SPEN: variants seen among roughly 807,000 people sequenced by gnomAD.
SPEN encodes the protein spen family transcriptional repressor.
SPEN carries 18 observed loss-of-function variants against 269.9 expected under a neutral mutation model. The observed-to-expected ratio is 0.07, with a 90% confidence interval of 0.05 to 0.10. SPEN has a LOEUF of 0.10. Ranked by LOEUF, SPEN falls within the 10% of genes least tolerant of loss-of-function variation. The probability of loss-of-function intolerance (pLI) is 1.00; values close to 1 mark genes in which losing one functional copy is unlikely to be tolerated. For missense variants in SPEN, 3,822 were observed against 4,631.2 expected (o/e 0.83, Z 5.07); for synonymous variants, 1,726 against 1,765.7 (o/e 0.98, Z 0.56).
chr1:15,913,013 C>A (rs1479733769), intron 5 of SPEN, among the ~76,000 whole-genome samples: 1 of 152,072 alleles, frequency 6.6e-6, no homozygotes, highest in Non-Finnish European at 1.5e-5. Flanking sequence ...TTGGTTGGTT[C>A]AAGTATAGAA....
In SPEN at chr1:15,938,001, A is replaced by T. The variant is rs1305479957; in HGVS notation, c.10699A>T (p.Met3567Leu). The change falls in exon 13 of 15, where the codon ATG (methionine) becomes TTG (leucine). Residue 3567 changes from methionine (M) to leucine (L), a missense_variant. Physicochemically the swap from Met to Leu is conservative, Grantham distance 15. Coordinates refer to ENST00000375759, the MANE Select transcript of SPEN (RefSeq NM_015001.3). ...ATQLEGVARR[M>L]TVETDYCLLL... ...GCAGCTGGAAGGGGTTGCCCGAAGG[A>T]TGACGGTAAGACTCTCAGGCCCAGG... The T allele has an allele frequency of 6.2e-7, 1 of 1,607,074 alleles. No individual in the cohort carries two copies. Among genetic ancestry groups the T allele is most frequent in the African/African-American group, 1.3e-5 (1 of 74,530 alleles).
chr1:15,934,313 C>G lies in SPEN; in HGVS notation c.8073C>G (p.Asn2691Lys). ...SLVSTPAGPV[N>K]VLKGPVNVLT... is the part of the protein sequence containing the mutation. ...TGAGCACCCCTGCTGGGCCCGTGAA[C>G]GTCCTGAAAGGGCCTGTGAATGTTC... Residue 2691 changes from asparagine (N) to lysine (K), a missense_variant, in exon 11 of 15, where the codon AAC becomes AAG. Asn to Lys is a moderately conservative substitution (Grantham distance 94). Coordinates refer to ENST00000375759, the MANE Select transcript of SPEN (RefSeq NM_015001.3). This position sits in a 1 kb window ranked among gnomAD's most constrained non-coding sequence, Gnocchi z 9.2. The G allele has an allele frequency of 6.2e-7, 1 of 1,614,058 alleles. No homozygotes were observed. Among genetic ancestry groups the G allele is most frequent in the African/African-American group, 1.3e-5 (1 of 75,056 alleles).
chr1:15,907,625 C>G (rs2070972435), intron 3 of SPEN, among the ~76,000 whole-genome samples: 1 of 152,102 alleles, frequency 6.6e-6, no homozygotes, highest in Non-Finnish European at 1.5e-5. Flanking sequence ...AGCTAGTGTG[C>G]TTAAGATGGA....
chr1:15,914,964 T>C (rs2071044575), intron 5 of SPEN, among the ~76,000 whole-genome samples: 1 of 152,244 alleles, frequency 6.6e-6, no homozygotes, highest in African/African-American at 2.4e-5. Context: ...TTTCCGTATT[T>C]AGACAGTTGA....
At position 15,940,019 on chromosome 1, in the gene SPEN, G is replaced by A; in HGVS notation, c.*592G>A. On this transcript the variant is annotated 3_prime_UTR_variant, in exon 15 of 15. Coordinates refer to ENST00000375759, the MANE Select transcript of SPEN (RefSeq NM_015001.3). ...GCCACCGTCTTTGATTCACCGGGATGTACAGTTTACAGTTGAAGAGCAAAC... is the reference window on the plus strand; with the variant it reads ...GCCACCGTCTTTGATTCACCGGGATATACAGTTTACAGTTGAAGAGCAAAC... 4.4e-6 allele frequency: 1 copy of A among 229,652 alleles called. No individual in the cohort carries two copies. The allele number at this position is 229,652 out of a possible 1,614,324, so 14.2% of individuals were successfully genotyped here. A position where few individuals can be genotyped will look rare whatever the true frequency, so the allele number is the denominator to read the frequency against.
intron 1 of SPEN, among the ~76,000 whole-genome samples, chr1:15,863,410 T>C (rs923136773): frequency 6.6e-6 from 1 of 152,206 alleles, no homozygotes; most frequent in African/African-American, 2.4e-5. Context: ...GTTTTCTATG[T>C]TCAGGAATCT....
At position 15,937,034 on chromosome 1, in the gene SPEN, T is replaced by C. The variant is rs1366037352; in HGVS notation, c.10027-129T>C. The C allele has an allele frequency of 7.3e-7, 1 of 1,362,606 alleles. No individual in the cohort carries two copies. Among genetic ancestry groups the C allele is most frequent in the East Asian group, 2.3e-5 (1 of 43,200 alleles). The allele number at this position is 1,362,606 out of a possible 1,614,324, so 84.4% of individuals were successfully genotyped here. On this transcript the variant is annotated intron_variant, in intron 11 of 14. Coordinates refer to ENST00000375759, the MANE Select transcript of SPEN (RefSeq NM_015001.3). This position sits in a 1 kb window ranked among gnomAD's most constrained non-coding sequence, Gnocchi z 5.7. Reference sequence around the variant, plus strand: ...CAGCTCCGTTGATTCAGGCTCCTTCTGTGGGCCTGACTTAACGGGAGATGC... The same window carrying C: ...CAGCTCCGTTGATTCAGGCTCCTTCCGTGGGCCTGACTTAACGGGAGATGC...
intron 5 of SPEN, among the ~76,000 whole-genome samples, chr1:15,915,790 T>C (rs1207316007): frequency 2.0e-5 from 3 of 152,196 alleles, no homozygotes; most frequent in African/African-American, 7.2e-5. Context: ...CCTCCCACCT[T>C]GACATCTTAA....
chr1:15,864,958 C>A (rs1055843884), intron 1 of SPEN, among the ~76,000 whole-genome samples: 2 of 152,040 alleles, frequency 1.3e-5, no homozygotes, highest in Non-Finnish European at 2.9e-5. Flanking sequence ...GCCTTGGCTT[C>A]CCAAAGTGGT....
At chr1:15,880,098 A>C (rs908815751) in intron 3 of SPEN, among the ~76,000 whole-genome samples, 6 of 152,124 alleles carry the variant, frequency 3.9e-5, no homozygotes, top group African/African-American at 1.4e-4. Flanking sequence ...TCTGATTTGC[A>C]CTGTAGGACC....
chr1:15,931,940 G>A lies in SPEN; in HGVS notation c.5700G>A (p.Arg1900=). 4.3e-6 allele frequency: 7 copies of A among 1,614,186 alleles called. No individual in the cohort carries two copies. The highest frequency in any genetic ancestry group is 5.9e-6 in the Non-Finnish European group (7 of 1,180,012). The change falls in exon 11 of 15, where the codon AGG becomes AGA. Residue 1900 remains arginine (R), a synonymous_variant. Transcript: ENST00000375759. This position sits in a 1 kb window ranked among gnomAD's most constrained non-coding sequence, Gnocchi z 4.8. ...PEPSLPLSRT[R]RRNVRSVYAT... ...CAAGTTTGCCTCTCAGCCGAACAAGGCGCCGGAATGTAAGGAGCGTCTATG... is the reference window on the plus strand; with the variant it reads ...CAAGTTTGCCTCTCAGCCGAACAAGACGCCGGAATGTAAGGAGCGTCTATG...
chr1:15,929,926 G>A lies in SPEN; in HGVS notation c.3686G>A (p.Arg1229Lys). 1.2e-6 allele frequency: 2 copies of A among 1,614,136 alleles called. No homozygotes were observed. Among genetic ancestry groups the A allele is most frequent in the Non-Finnish European group, 1.7e-6 (2 of 1,180,038 alleles). The change falls in exon 11 of 15, where the codon AGG becomes AAG. Residue 1229 changes from arginine to lysine, a missense_variant. By Grantham distance (26) the Arg-to-Lys change is conservative (BLOSUM62 2). This residue lies in a region of SPEN where 267 missense variants were observed against 315.5 expected (regional missense o/e 0.85). Coordinates refer to ENST00000375759, the MANE Select transcript of SPEN (RefSeq NM_015001.3). The surrounding 1 kb of genome is among the most constrained non-coding windows in gnomAD (Gnocchi z 5.8). ...TDDSPPSKKK[R>K]MDHVDFDICT... ...GACTCTCCTCCTAGCAAAAAGAAAA[G>A]GATGGATCATGTCGATTTTGATATC...
intron 3 of SPEN, among the ~76,000 whole-genome samples, chr1:15,880,401 C>T (rs1320901487): frequency 6.8e-6 from 1 of 146,636 alleles, no homozygotes; most frequent in Non-Finnish European, 1.5e-5. Context: ...CATTCATTAA[C>T]TTATTGATTC....
At chr1:15,849,662 G>A (rs1157746366) in intron 1 of SPEN, among the ~76,000 whole-genome samples, 1 of 152,156 alleles carries the variant, frequency 6.6e-6, no homozygotes. Flanking sequence ...TGTGCCCTAG[G>A]ATGAAGGGGA....
intron 3 of SPEN, among the ~76,000 whole-genome samples, chr1:15,899,763 G>A (rs1341076740): frequency 2.0e-5 from 3 of 151,934 alleles, no homozygotes; most frequent in Non-Finnish European, 1.5e-5. Flanking sequence ...TGTCTTTGAA[G>A]TCTTTGACCA....
intron 3 of SPEN, among the ~76,000 whole-genome samples, chr1:15,906,773 CTTT>C (rs1229092780): frequency 6.2e-5 from 6 of 96,506 alleles, no homozygotes; most frequent in Non-Finnish European, 7.9e-5. Flanking sequence ...ATGTTTTCAT[CTTT>C]TTTTTTTTTT....
At chr1:15,857,042 CCTAT>C (rs1256487308) in intron 1 of SPEN, among the ~76,000 whole-genome samples, 4 of 151,988 alleles carry the variant, frequency 2.6e-5, no homozygotes, top group Non-Finnish European at 5.9e-5. Context: ...TCAGTTATGG[CCTAT>C]CTGCTTTTCT....
Position 15,932,312 on chromosome 1 carries a change from A to C in SPEN, c.6072A>C (p.Lys2024Asn). The change falls in exon 11 of 15, where the codon AAA becomes AAC. Residue 2024 changes from lysine (K) to asparagine (N), a missense_variant. This residue lies in a region of SPEN where 727 missense variants were observed against 737.9 expected (regional missense o/e 0.99). Coordinates refer to ENST00000375759, the MANE Select transcript of SPEN (RefSeq NM_015001.3). The surrounding 1 kb of genome is among the most constrained non-coding windows in gnomAD (Gnocchi z 4.2). ...TTEVGPQIGV[K>N]ESSMEPKAAE... ...AGGTGGGCCCCCAAATAGGCGTGAA[A>C]GAGAGCTCCATGGAACCCAAGGCTG... 2 of 1,610,442 alleles carry C rather than the reference A, an allele frequency of 1.2e-6. No individual in the cohort carries two copies. Among genetic ancestry groups the C allele is most frequent in the Non-Finnish European group, 1.7e-6 (2 of 1,178,876 alleles).
intron 3 of SPEN, among the ~76,000 whole-genome samples, chr1:15,897,613 C>T (rs915184580): frequency 2.6e-5 from 4 of 152,106 alleles, no homozygotes; most frequent in Non-Finnish European, 2.9e-5. Context: ...CCCCCCGCCT[C>T]GGCCTCTCAA....
Sources: allele counts gnomAD v4.1 joint callset (sites outside exome capture counted in the v4.1 genomes callset), GRCh38; gene constraint gnomAD v4.1.1; regional missense constraint gnomAD v4.1.1; non-coding constraint Gnocchi (gnomAD v3.1); transcripts MANE v1.5; gene names NCBI Gene and HGNC (gene_info 2026-07-23, HGNC 2026-07-21).